The following CDC25A variants were observed in gnomAD, a reference collection of about 807,000 sequenced individuals.
The protein encoded by CDC25A is M-phase inducer phosphatase 1.
CDC25A carries 17 observed loss-of-function variants against 64.6 expected under a neutral mutation model. That is an observed-to-expected ratio of 0.26 (90% CI 0.18 to 0.39). The LOEUF (loss-of-function observed/expected upper bound fraction) is 0.39, where lower values mean the gene tolerates loss of function less well. Among genes scored for constraint, CDC25A ranks in the 10% least tolerant of loss-of-function variants. The pLI is 1.00. For missense variants in CDC25A, 473 were observed against 654.8 expected, an observed-to-expected ratio of 0.72 and a Z score of 3.03; for synonymous variants, 229 against 238.6, an observed-to-expected ratio of 0.96 and a Z score of 0.37.
rs2032108706 is a variant in CDC25A at position 48,168,126 on chromosome 3, C to T, written c.931-182G>A. On this transcript the variant is annotated intron_variant, in intron 9 of 14. Transcript: ENST00000302506. The stretch of plus-strand genomic sequence containing the variant: ...AGATGTGGGTTATTGACTAGGTCTC[C>T]TATTATTCCAGTGTCTAACCGAATT... Among the ~76,000 whole-genome samples, 3 of 149,728 alleles carry T rather than the reference C, an allele frequency of 2.0e-5. No individual in the cohort carries two copies. The Admixed American group carries it at 2.0e-4, about 10-fold the overall frequency.
At position 48,167,893 on chromosome 3, in the gene CDC25A, T is replaced by A; in HGVS notation, c.982A>T (p.Asn328Tyr). The change falls in exon 10 of 15, where the codon AAC becomes TAC. Residue 328 changes from asparagine to tyrosine, a missense_variant. Around this residue, in one of 2 missense-constraint regions of CDC25A, gnomAD observed 376 missense variants for 431.9 expected, o/e 0.87. Coordinates refer to ENST00000302506, the MANE Select transcript of CDC25A (RefSeq NM_001789.3). ...TCCCTTGGGTCATTGTCCAAAATGTTCTCAATGGTTCCTTTGGGGGAAGAT... is the reference window on the plus strand; with the variant it reads ...TCCCTTGGGTCATTGTCCAAAATGTACTCAATGGTTCCTTTGGGGGAAGAT... ...LASSPKGTIE[N>Y]ILDNDPRDLI... 3.7e-6 allele frequency: 6 copies of A among 1,611,014 alleles called. No individual in the cohort carries two copies. Among genetic ancestry groups the A allele is most frequent in the Non-Finnish European group, 5.1e-6 (6 of 1,177,256 alleles).
At chr3:48,164,533 T>A (rs1238572409) in intron 12 of CDC25A, 96 bp from the exon 13 acceptor site, 5 of 1,186,512 alleles carry the variant, frequency 4.2e-6, no homozygotes, top group South Asian at 2.0e-5. Context: ...GATCTTTAAG[T>A]CCACAAGACC....
intron 13 of CDC25A, among the ~76,000 whole-genome samples, chr3:48,163,460 C>T (rs1018568143): frequency 3.3e-5 from 5 of 151,674 alleles, no homozygotes; most frequent in South Asian, 2.1e-4. Flanking sequence ...CAAAATTAGC[C>T]GGGCGTGATG....
chr3:48,160,316 G>A (rs2031696938), intron 13 of CDC25A, among the ~76,000 whole-genome samples: 1 of 151,832 alleles, frequency 6.6e-6, no homozygotes, highest in Non-Finnish European at 1.5e-5. Flanking sequence ...TCACCATGTT[G>A]GCCAGGATGG....
chr3:48,187,503 G>A (rs919928840), intron 1 of CDC25A, among the ~76,000 whole-genome samples: 1 of 152,254 alleles, frequency 6.6e-6, no homozygotes, highest in African/African-American at 2.4e-5. Context: ...GATAGAAGGA[G>A]AGTACGGAGC....
chr3:48,187,929 G>T lies in CDC25A; in HGVS notation c.19C>A (p.Pro7Thr). The T allele has an allele frequency of 6.6e-7, 1 of 1,525,072 alleles. No individual in the cohort carries two copies. The highest frequency in any genetic ancestry group is 1.2e-5 in the South Asian group (1 of 82,474). The allele number at this position is 1,525,072 out of a possible 1,614,324, so 94.5% of individuals were successfully genotyped here. The change falls in exon 1 of 15, where the codon CCC becomes ACC. Residue 7 changes from proline to threonine, a missense_variant. By Grantham distance (38) the Pro-to-Thr change is conservative. Coordinates refer to ENST00000302506, the MANE Select transcript of CDC25A (RefSeq NM_001789.3). MELGPE[P>T]PHRRRLLFAC... ...AAGAGCAGGCGGCGGCGGTGCGGGG[G>T]CTCCGGGCCCAGTTCCATGGCGGCG...
rs200155986 is a variant in CDC25A at position 48,164,294 on chromosome 3, G to A, written c.1322+13C>T. Reference sequence around the variant, plus strand: ...AGCCTGTGCCCCAGAACCCAGTTCCGTGCAGCACTCACATGCGGGGACCTC... The same window carrying A: ...AGCCTGTGCCCCAGAACCCAGTTCCATGCAGCACTCACATGCGGGGACCTC... On this transcript the variant is annotated intron_variant, in intron 13 of 14. Transcript: ENST00000302506. 136 of 1,554,458 alleles carry A rather than the reference G, an allele frequency of 8.7e-5. No homozygotes were observed. Among genetic ancestry groups the A allele is most frequent in the South Asian group, 1.6e-4 (13 of 80,476 alleles).
At chr3:48,171,086 T>C (rs924379610) in intron 9 of CDC25A, among the ~76,000 whole-genome samples, 1 of 152,034 alleles carries the variant, frequency 6.6e-6, no homozygotes, top group Non-Finnish European at 1.5e-5. Context: ...AAAATGAATA[T>C]TCTGGCCGGG....
chr3:48,161,643 A>G (rs1453404405), intron 13 of CDC25A, among the ~76,000 whole-genome samples: 1 of 152,122 alleles, frequency 6.6e-6, no homozygotes, highest in Non-Finnish European at 1.5e-5. Flanking sequence ...TGGGAGGCAG[A>G]GGCTACAGTG....
chr3:48,159,156 T>C, intron 14 of CDC25A, 71 bp from the exon 15 acceptor site: 1 of 1,568,610 alleles, frequency 6.4e-7, no homozygotes, highest in Non-Finnish European at 8.7e-7. Flanking sequence ...CCTCTCTGCC[T>C]AGGGCTACAA....
chr3:48,160,412 T>G (rs1226058758), intron 13 of CDC25A, among the ~76,000 whole-genome samples: 1 of 72,126 alleles, frequency 1.4e-5, no homozygotes, highest in Non-Finnish European at 3.3e-5. Context: ...CCCAGTCACC[T>G]TTTTTTTTTT....
chr3:48,165,721 A>G lies in CDC25A; in HGVS notation c.1106T>C (p.Leu369Ser). The change falls in exon 12 of 15, where the codon TTG (leucine) becomes TCG (serine). Residue 369 changes from leucine (L) to serine (S), a missense_variant. Transcript: ENST00000302506. Reference protein sequence around the residue: ...YISPEIMASVLNGKFANLIKE... With the variant: ...YISPEIMASVSNGKFANLIKE... ...AATGAGGTTGGCAAACTTGCCATTC[A>G]AAACAGATGCCATCTGTTGAGAGAA... The G allele has an allele frequency of 6.2e-7, 1 of 1,613,462 alleles. No homozygotes were observed. The highest frequency in any genetic ancestry group is 8.5e-7 in the Non-Finnish European group (1 of 1,179,362).
intron 2 of CDC25A, among the ~76,000 whole-genome samples, chr3:48,185,946 G>C (rs1267895502): frequency 6.6e-6 from 1 of 152,174 alleles, no homozygotes; most frequent in Non-Finnish European, 1.5e-5. Flanking sequence ...TGCTCTTGCA[G>C]TTCCTTTAAC....
rs541769665 is a variant in CDC25A at position 48,181,569 on chromosome 3, T to C, written c.430-729A>G. ...GCTATCATGGTGAACTTACTTCAGA[T>C]TGTGCGGGACCACTGGGTTCATGTT... On this transcript the variant is annotated intron_variant, in intron 5 of 14. Transcript: ENST00000302506. 23 of 1,564,810 alleles carry C rather than the reference T, an allele frequency of 1.5e-5. 1 individual carries two copies. In the South Asian group the frequency reaches 2.2e-4, roughly 15 times the overall value.
intron 9 of CDC25A, among the ~76,000 whole-genome samples, chr3:48,168,947 C>T (rs187020609): frequency 3.9e-5 from 6 of 152,188 alleles, no homozygotes; most frequent in Admixed American, 2.6e-4. Flanking sequence ...CCACCGCGCC[C>T]GGCCTACGTC....
chr3:48,184,607 A>G, intron 3 of CDC25A, 46 bp downstream of exon 3: 1 of 1,341,734 alleles, frequency 7.5e-7, no homozygotes, highest in Non-Finnish European at 1.1e-6. Context: ...TTAAGTTTAG[A>G]CACGTTTTTT....
At chr3:48,185,558 T>C (rs1212108920) in intron 2 of CDC25A, among the ~76,000 whole-genome samples, 1 of 150,970 alleles carries the variant, frequency 6.6e-6, no homozygotes, top group Admixed American at 6.6e-5. Flanking sequence ...CTAGGGAAGC[T>C]GAGGCAGAAG....
chr3:48,165,525 AT>A (rs1398373238), intron 12 of CDC25A, 110 bp downstream of exon 12: 2 of 711,488 alleles, frequency 2.8e-6, no homozygotes, highest in Middle Eastern at 2.8e-4. Context: ...TTGTTTCAAA[AT>A]TCTAACAACT....
chr3:48,161,162 A>G (rs1351496101), intron 13 of CDC25A: 2 of 151,204 alleles, frequency 1.3e-5, no homozygotes, highest in Non-Finnish European at 3.0e-5. Context: ...AAAAAAAAAA[A>G]AAAAAAAAAA....
Sources: gnomAD v4.1 joint callset for allele counts (sites outside exome capture counted in the v4.1 genomes callset) on GRCh38, gnomAD v4.1.1 for gene constraint, gnomAD v4.1.1 regional missense constraint, MANE v1.5 for transcripts, NCBI Gene and HGNC (gene_info 2026-07-23, HGNC 2026-07-21) for gene names.